GALNT18: variants seen among roughly 807,000 people sequenced by gnomAD.
GALNT18 encodes GalNAc-transferase 18.
GALNT18 carries 44 observed loss-of-function variants against 69.5 expected under a neutral mutation model. The ratio of observed to expected loss-of-function variants is 0.63; its 90% CI spans 0.50 to 0.81. GALNT18 has a LOEUF of 0.81. Ranked by LOEUF, GALNT18 falls within the 40% of genes least tolerant of loss-of-function variation. The probability of loss-of-function intolerance (pLI) is 0.00; values close to 1 mark genes in which losing one functional copy is unlikely to be tolerated. For synonymous variants in GALNT18, 364 were observed against 318.2 expected (o/e 1.14, Z -1.53); for missense variants, 715 against 810.0 (o/e 0.88, Z 1.42).
Position 11,614,206 on chromosome 11 carries a change from T to G in GALNT18, c.235+7153A>C, listed in dbSNP as rs771056029. On this transcript the variant is annotated intron_variant, in intron 1 of 10. Transcript: ENST00000227756. The surrounding 1 kb of genome is among the most constrained non-coding windows in gnomAD (Gnocchi z 5.6). ...AATTATAAATTTATAATTTGGCTCATAGTTCTGCAAGCTGTTCGAAGTCCA... is the reference window on the plus strand; with the variant it reads ...AATTATAAATTTATAATTTGGCTCAGAGTTCTGCAAGCTGTTCGAAGTCCA... Among the ~76,000 whole-genome samples the G allele has an allele frequency of 6.6e-6, 1 of 152,108 alleles. No homozygotes were observed. The highest frequency in any genetic ancestry group is 2.4e-5 in the African/African-American group (1 of 41,406).
intron 3 of GALNT18, among the ~76,000 whole-genome samples, chr11:11,408,275 G>A (rs1258728447): frequency 3.3e-5 from 5 of 150,254 alleles, no homozygotes; most frequent in African/African-American, 4.9e-5. Flanking sequence ...GGCTGAGGCC[G>A]GAAAATTGCT....
rs1369430635 is a variant in GALNT18, at chr11:11,461,120, C to T, written c.236-12184G>A. ...AAGGACAGGAAGACATCTGACTCTG[C>T]AAGCTTAGTCCAGATACTACAGGAT... On this transcript the variant is annotated intron_variant, in intron 1 of 10. Coordinates refer to ENST00000227756, the MANE Select transcript of GALNT18 (RefSeq NM_198516.3). The surrounding 1 kb of genome is among the most constrained non-coding windows in gnomAD (Gnocchi z 4.1). 6.6e-6 allele frequency among the ~76,000 whole-genome samples: 1 copy of T among 152,184 alleles called. No individual in the cohort carries two copies. The highest frequency in any genetic ancestry group is 2.4e-5 in the African/African-American group (1 of 41,444).
chr11:11,290,484 G>A (rs966958279), intron 10 of GALNT18, among the ~76,000 whole-genome samples: 2 of 152,128 alleles, frequency 1.3e-5, no homozygotes. Context: ...TAGCCCAGTT[G>A]GCCTTCCAGA....
At chr11:11,418,103 C>G (rs1854907894) in intron 3 of GALNT18, among the ~76,000 whole-genome samples, 1 of 152,214 alleles carries the variant, frequency 6.6e-6, no homozygotes, top group African/African-American at 2.4e-5. Context: ...AAGAGGAGTG[C>G]TGCCTTCCCC....
intron 6 of GALNT18, among the ~76,000 whole-genome samples, chr11:11,350,995 C>A (rs1850390007): frequency 6.6e-6 from 1 of 152,094 alleles, no homozygotes; most frequent in African/African-American, 2.4e-5. Flanking sequence ...GCAAGGTGAC[C>A]AAAGAGGCAT....
At chr11:11,498,542 T>G (rs570220655) in intron 1 of GALNT18, among the ~76,000 whole-genome samples, 1 of 152,238 alleles carries the variant, frequency 6.6e-6, no homozygotes, top group Non-Finnish European at 1.5e-5. Context: ...CTAATGCCTG[T>G]AATCCCAACA....
intron 1 of GALNT18, among the ~76,000 whole-genome samples, chr11:11,471,638 G>A (rs1054606048): frequency 6.6e-6 from 1 of 152,164 alleles, no homozygotes; most frequent in South Asian, 2.1e-4. Context: ...CATAGCACAG[G>A]ACTTGGCACA....
chr11:11,468,967 CT>C (rs148859670), intron 1 of GALNT18, among the ~76,000 whole-genome samples: 2,533 of 152,244 alleles, frequency 0.017, 70 homozygotes, highest in African/African-American at 0.057. Flanking sequence ...ATGGGGCTGG[CT>C]GGCTGGCTGG....
At chr11:11,302,365 G>A (rs1445198371) in intron 9 of GALNT18, among the ~76,000 whole-genome samples, 2 of 152,152 alleles carry the variant, frequency 1.3e-5, no homozygotes, top group East Asian at 3.9e-4. Context: ...GCCTCTGGGT[G>A]TGTCTCTAGG....
rs141407033 is a variant in GALNT18, at chr11:11,311,715, T to G, written c.1512+15371A>C. On this transcript the variant is annotated intron_variant, in intron 9 of 10. Transcript: ENST00000227756. ...TTCTATCCCAGTAGGGGAGGGCACA[T>G]CTCTCAAGCTCCCATCCCAGGTCGC... 4.6e-3 allele frequency among the ~76,000 whole-genome samples: 708 copies of G among 152,260 alleles called. 6 individuals carry two copies. Among genetic ancestry groups the G allele is most frequent in the African/African-American group, 0.016 (674 of 41,558 alleles).
rs1230272490 is a variant in GALNT18 at position 11,421,169 on chromosome 11, C to T, written c.595+11452G>A. ...AGGGGACAAGAGGAGTGATGAGCTA[C>T]CCACACCACTGCCAGGCTCAGGCAG... On this transcript the variant is annotated intron_variant, in intron 3 of 10. Coordinates refer to ENST00000227756, the MANE Select transcript of GALNT18 (RefSeq NM_198516.3). This position sits in a 1 kb window ranked among gnomAD's most constrained non-coding sequence, Gnocchi z 5.6. 6.6e-6 allele frequency among the ~76,000 whole-genome samples: 1 copy of T among 151,940 alleles called. No individual in the cohort carries two copies. Among genetic ancestry groups the T allele is most frequent in the Non-Finnish European group, 1.5e-5 (1 of 68,008 alleles).
chr11:11,453,855 T>C (rs1855864058), intron 1 of GALNT18, among the ~76,000 whole-genome samples: 1 of 152,204 alleles, frequency 6.6e-6, no homozygotes, highest in Non-Finnish European at 1.5e-5. Flanking sequence ...CTTTATAAAT[T>C]ACCCAGTCTC....
At chr11:11,513,807 T>G (rs370498058) in intron 1 of GALNT18, among the ~76,000 whole-genome samples, 3 of 152,370 alleles carry the variant, frequency 2.0e-5, no homozygotes, top group South Asian at 2.1e-4. Context: ...TTATTTTTTT[T>G]GTAAAGCTTT....
chr11:11,476,664 T>G (rs1218819050), intron 1 of GALNT18, among the ~76,000 whole-genome samples: 1 of 152,150 alleles, frequency 6.6e-6, no homozygotes, highest in East Asian at 1.9e-4. Flanking sequence ...GCCCCCACTG[T>G]CTCTTTTCAG....
intron 1 of GALNT18, among the ~76,000 whole-genome samples, chr11:11,484,574 A>T (rs1341639577): frequency 6.7e-6 from 1 of 149,914 alleles, no homozygotes; most frequent in Non-Finnish European, 1.5e-5. Flanking sequence ...GCCTGGGCAA[A>T]AAGAGCAAAA....
At chr11:11,495,641 G>A (rs1856854165) in intron 1 of GALNT18, among the ~76,000 whole-genome samples, 1 of 152,222 alleles carries the variant, frequency 6.6e-6, no homozygotes, top group Non-Finnish European at 1.5e-5. Context: ...AGAGCAAGCA[G>A]TAACACCCAG....
chr11:11,317,044 G>T (rs779984323), intron 9 of GALNT18, among the ~76,000 whole-genome samples: 1 of 152,164 alleles, frequency 6.6e-6, no homozygotes, highest in Admixed American at 6.5e-5. Flanking sequence ...GAAATTTTCC[G>T]GGCTGTTACA....
chr11:11,517,326 G>A (rs1043388898), intron 1 of GALNT18, among the ~76,000 whole-genome samples: 8 of 152,164 alleles, frequency 5.3e-5, no homozygotes, highest in Non-Finnish European at 1.0e-4. Context: ...AGTGAGATCC[G>A]AGATTCAGCC....
In GALNT18 at chr11:11,562,508, C is replaced by T. The variant is rs963518098; in HGVS notation, c.235+58851G>A. Among the ~76,000 whole-genome samples the T allele has an allele frequency of 2.0e-5, 3 of 152,112 alleles. No homozygotes were observed. The highest frequency in any genetic ancestry group is 7.2e-5 in the African/African-American group (3 of 41,394). On this transcript the variant is annotated intron_variant, in intron 1 of 10. Coordinates refer to ENST00000227756, the MANE Select transcript of GALNT18 (RefSeq NM_198516.3). This position sits in a 1 kb window ranked among gnomAD's most constrained non-coding sequence, Gnocchi z 4.1. ...ACATGATTCAACCCATAATACTCCC[C>T]TAGACCCTGGACCTTCAAGTACACA...
Sources: gnomAD v4.1 joint callset for allele counts (sites outside exome capture counted in the v4.1 genomes callset) on GRCh38, gnomAD v4.1.1 for gene constraint, Gnocchi (gnomAD v3.1) non-coding constraint, MANE v1.5 for transcripts, NCBI Gene and HGNC (gene_info 2026-07-23, HGNC 2026-07-21) for gene names.